The following ETV5 variants were observed in gnomAD, a reference collection of about 807,000 sequenced individuals.
The protein encoded by ETV5 is ETS translocation variant 5.
Under a neutral mutation model 70.0 loss-of-function variants are expected in ETV5, and 10 were observed. That is an observed-to-expected ratio of 0.14 (90% confidence interval 0.09 to 0.24). ETV5 has a LOEUF of 0.24. Among genes scored for constraint, ETV5 ranks in the 10% least tolerant of loss-of-function variants. ETV5 has a pLI of 1.00. For missense variants in ETV5, 453 were observed against 651.2 expected (o/e 0.70, Z 3.31); for synonymous variants, 216 against 242.2 (o/e 0.89, Z 1.01).
At chr3:186,071,632 C>G (rs1410938202) in intron 7 of ETV5, among the ~76,000 whole-genome samples, 2 of 152,222 alleles carry the variant, frequency 1.3e-5, no homozygotes, top group Non-Finnish European at 2.9e-5. Context: ...CCCACCTTCT[C>G]CCCACAACTC....
chr3:186,059,995 C>T (rs573027317), intron 9 of ETV5, among the ~76,000 whole-genome samples: 4 of 152,278 alleles, frequency 2.6e-5, no homozygotes, highest in South Asian at 2.1e-4. Context: ...GTATTACCAA[C>T]AAGACTTTCA....
chr3:186,081,202 G>T, intron 5 of ETV5, 27 bp from the exon 6 acceptor site: 1 of 1,598,140 alleles, frequency 6.3e-7, no homozygotes, highest in Non-Finnish European at 8.5e-7. Flanking sequence ...GATGAGAGGG[G>T]AATAGAGAGA....
chr3:186,106,760 A>G (rs1714597816), intron 1 of ETV5, among the ~76,000 whole-genome samples: 1 of 152,048 alleles, frequency 6.6e-6, no homozygotes, highest in African/African-American at 2.4e-5. Flanking sequence ...AATGAAACTC[A>G]TTTCAGGACG....
At chr3:186,100,534 A>T (rs1714428210) in intron 5 of ETV5, among the ~76,000 whole-genome samples, 1 of 152,262 alleles carries the variant, frequency 6.6e-6, no homozygotes, top group Non-Finnish European at 1.5e-5. Flanking sequence ...AAACAGGATT[A>T]AGATCAATGT....
At chr3:186,088,992 C>A (rs1714120991) in intron 5 of ETV5, among the ~76,000 whole-genome samples, 1 of 152,168 alleles carries the variant, frequency 6.6e-6, no homozygotes, top group Non-Finnish European at 1.5e-5. Flanking sequence ...TAGGACTGAG[C>A]AGATTAAAAA....
In ETV5 at chr3:186,052,176, G is replaced by A. The variant is rs1455870930; in HGVS notation, c.1210-45C>T. On this transcript the variant is annotated intron_variant, in intron 11 of 12. Transcript: ENST00000306376. The surrounding 1 kb of genome is among the most constrained non-coding windows in gnomAD (Gnocchi z 4.5). ...AAGAGCAATGGAAACGCATTCCCTGGGCCCCATGTTCTCTCCCAATCCCAG... is the reference window on the plus strand; with the variant it reads ...AAGAGCAATGGAAACGCATTCCCTGAGCCCCATGTTCTCTCCCAATCCCAG... 1.3e-6 allele frequency: 2 copies of A among 1,581,524 alleles called. No homozygotes were observed. Among genetic ancestry groups the A allele is most frequent in the Admixed American group, 1.7e-5 (1 of 59,814 alleles).
At chr3:186,077,856 G>T in intron 7 of ETV5, 1 of 338,304 alleles carries the variant, frequency 3.0e-6, no homozygotes, top group Non-Finnish European at 4.7e-6. Context: ...TTACCTCAAG[G>T]ATCTCTGTAT....
rs559490791 is a variant in ETV5 at position 186,064,372 on chromosome 3, GGAGAGGA to G, written c.970+38_970+44del. 3.4e-3 allele frequency: 5,237 copies of G among 1,554,770 alleles called. 20 individuals carry two copies. The highest frequency in any genetic ancestry group is 4.4e-3 in the Non-Finnish European group (4,944 of 1,126,190). ...AAGCCGAGAGAAAGAAAGGAAGAAAGGAGAGGAGAGAGGAGAGAAGAGGAAAGAAAAG... is the reference window on the plus strand; with the variant it reads ...AAGCCGAGAGAAAGAAAGGAAGAAAGGAGAGGAGAGAAGAGGAAAGAAAAG... On this transcript the variant is annotated intron_variant, in intron 9 of 12. Transcript: ENST00000306376.
At chr3:186,056,946 GGCCAGGCCAGA>G in intron 11 of ETV5, 118 bp downstream of exon 11, 1 of 1,068,428 alleles carries the variant, frequency 9.4e-7, no homozygotes, top group Non-Finnish European at 1.3e-6. Flanking sequence ...CAAGCCCACT[GGCCAGGCCAGA>G]ATATGAATGA....
At chr3:186,063,327 T>C (rs1233023711) in intron 9 of ETV5, among the ~76,000 whole-genome samples, 1 of 152,164 alleles carries the variant, frequency 6.6e-6, no homozygotes, top group Non-Finnish European at 1.5e-5. Context: ...GAAACTGACA[T>C]TCTAGCTCCA....
intron 7 of ETV5, among the ~76,000 whole-genome samples, chr3:186,076,010 C>T (rs1045268763): frequency 1.3e-5 from 2 of 152,104 alleles, no homozygotes; most frequent in African/African-American, 4.8e-5. Context: ...TTTCTAAGTT[C>T]CTCCACCCAG....
intron 11 of ETV5, 88 bp downstream of exon 11, chr3:186,056,987 C>T: frequency 6.8e-7 from 1 of 1,475,688 alleles, no homozygotes; most frequent in South Asian, 1.3e-5. Context: ...GCAGACTTGA[C>T]ACAAAAAGCC....
intron 5 of ETV5, among the ~76,000 whole-genome samples, chr3:186,098,915 TC>T (rs1714380331): frequency 6.6e-6 from 1 of 152,198 alleles, no homozygotes; most frequent in Admixed American, 6.5e-5. Context: ...TTCTCTGAAG[TC>T]CTTCTGACCA....
chr3:186,070,619 C>T (rs1713609451), intron 7 of ETV5, among the ~76,000 whole-genome samples: 1 of 152,222 alleles, frequency 6.6e-6, no homozygotes, highest in Admixed American at 6.5e-5. Context: ...GAAAGATTCT[C>T]AGAGCTTGCT....
intron 5 of ETV5, among the ~76,000 whole-genome samples, chr3:186,089,725 A>G (rs1319017211): frequency 6.6e-6 from 1 of 152,262 alleles, no homozygotes; most frequent in East Asian, 1.9e-4. Flanking sequence ...AGTCACTGTT[A>G]CAGGGAAAAT....
At chr3:186,084,825 T>C (rs1714020014) in intron 5 of ETV5, among the ~76,000 whole-genome samples, 1 of 152,176 alleles carries the variant, frequency 6.6e-6, no homozygotes, top group Non-Finnish European at 1.5e-5. Context: ...CTTTGTACAT[T>C]AAAAATAGAA....
Position 186,105,859 on chromosome 3 carries a change from A to T in ETV5, c.10T>A (p.Phe4Ile), listed in dbSNP as rs138565774. MDG[F>I]YDQQVPFMVP... Reference sequence around the variant, plus strand: ...ATAAAAGGGACTTGCTGATCATAAAACCCGTCCATGGTGCTTTCAGCGTCT... The same window carrying T: ...ATAAAAGGGACTTGCTGATCATAAATCCCGTCCATGGTGCTTTCAGCGTCT... Residue 4 changes from phenylalanine (F) to isoleucine (I), a missense_variant, in exon 2 of 13, where the codon TTT becomes ATT. Coordinates refer to ENST00000306376, the MANE Select transcript of ETV5 (RefSeq NM_004454.3). The surrounding 1 kb of genome is among the most constrained non-coding windows in gnomAD (Gnocchi z 4.5). 75 of 1,613,976 alleles carry T rather than the reference A, an allele frequency of 4.6e-5. No homozygotes were observed. In the African/African-American group the frequency reaches 9.5e-4, roughly 20 times the overall value.
chr3:186,071,932 G>C (rs1395770454), intron 7 of ETV5, among the ~76,000 whole-genome samples: 2 of 151,624 alleles, frequency 1.3e-5, no homozygotes, highest in Non-Finnish European at 3.0e-5. Context: ...CAAGTAGCTG[G>C]GATTACAGGT....
At chr3:186,055,832 A>C (rs1713149472) in intron 11 of ETV5, among the ~76,000 whole-genome samples, 1 of 152,212 alleles carries the variant, frequency 6.6e-6, no homozygotes, top group Non-Finnish European at 1.5e-5. Flanking sequence ...CTGAACACTG[A>C]AAACAGCAAT....
Sources: allele counts gnomAD v4.1 joint callset (sites outside exome capture counted in the v4.1 genomes callset), GRCh38; gene constraint gnomAD v4.1.1; non-coding constraint Gnocchi (gnomAD v3.1); transcripts MANE v1.5; gene names NCBI Gene and HGNC (gene_info 2026-07-23, HGNC 2026-07-21).